Variants in GRM7 observed in about 807,000 individuals in gnomAD.
The protein encoded by GRM7 is glutamate metabotropic receptor 7.
GRM7 carries 35 observed loss-of-function variants against 84.5 expected under a neutral mutation model. The ratio of observed to expected loss-of-function variants is 0.41; its 90% CI spans 0.32 to 0.55. GRM7 has a LOEUF of 0.55. GRM7 is among the 20% of genes least tolerant of loss of function. The pLI is 0.19. For missense variants in GRM7, 1,003 were observed against 1,194.6 expected (o/e 0.84, Z 2.36); for synonymous variants, 487 against 455.1 (o/e 1.07, Z -0.89).
At chr3:7,269,633 G>A (rs1698780365) in intron 2 of GRM7, among the ~76,000 whole-genome samples, 1 of 152,138 alleles carries the variant, frequency 6.6e-6, no homozygotes, top group Non-Finnish European at 1.5e-5. Flanking sequence ...AAGGCCTTAG[G>A]GTGCCAGGCT....
chr3:7,389,384 T>C (rs1332174154), intron 4 of GRM7, among the ~76,000 whole-genome samples: 1 of 152,158 alleles, frequency 6.6e-6, no homozygotes, highest in Non-Finnish European at 1.5e-5. Context: ...ATTTATTAGG[T>C]TCAATTGGTC....
chr3:7,737,908 T>C (rs7653428), intron 9 of GRM7, among the ~76,000 whole-genome samples: 52,167 of 149,968 alleles, frequency 0.35, 11,217 homozygotes, highest in African/African-American at 0.62. Flanking sequence ...AGCGCAATGG[T>C]GCAATCTCAG....
chr3:7,672,059 A>G (rs1398768171), intron 8 of GRM7, among the ~76,000 whole-genome samples: 4 of 152,078 alleles, frequency 2.6e-5, no homozygotes, highest in Non-Finnish European at 5.9e-5. Flanking sequence ...TTTCTAAAGG[A>G]TGCAAACTCC....
At chr3:7,041,009 G>A (rs1356230774) in intron 1 of GRM7, among the ~76,000 whole-genome samples, 1 of 151,674 alleles carries the variant, frequency 6.6e-6, no homozygotes, top group Non-Finnish European at 1.5e-5. Context: ...GCTGTACCTG[G>A]GAGGTTAAGG....
intron 4 of GRM7, among the ~76,000 whole-genome samples, chr3:7,368,234 C>G (rs1400404754): frequency 6.6e-6 from 1 of 151,986 alleles, no homozygotes; most frequent in African/African-American, 2.4e-5. Flanking sequence ...GTGAGATCAT[C>G]AAGCTAGAAC....
At chr3:6,903,211 T>G (rs10433646) in intron 1 of GRM7, among the ~76,000 whole-genome samples, 11,453 of 151,866 alleles carry the variant, frequency 0.075, 892 homozygotes, top group East Asian at 0.37. Context: ...ATAGGGTTTT[T>G]TTTTTTTGGT....
intron 2 of GRM7, among the ~76,000 whole-genome samples, chr3:7,226,886 A>C (rs1697000380): frequency 6.6e-6 from 1 of 152,172 alleles, no homozygotes. Flanking sequence ...ACATTGTTTC[A>C]GAATTGAACC....
At chr3:7,686,310 T>G (rs1700581863) in intron 9 of GRM7, 1 of 792,036 alleles carries the variant, frequency 1.3e-6, no homozygotes, top group African/African-American at 1.7e-5. Context: ...AGTAATATTG[T>G]GTGCACATTT....
At chr3:7,250,323 C>T (rs1697931598) in intron 2 of GRM7, among the ~76,000 whole-genome samples, 1 of 151,912 alleles carries the variant, frequency 6.6e-6, no homozygotes, top group African/African-American at 2.4e-5. Flanking sequence ...AATTGTTCTT[C>T]TCAATTTTGG....
chr3:7,195,543 G>A (rs1269160133), intron 2 of GRM7, among the ~76,000 whole-genome samples: 1 of 152,152 alleles, frequency 6.6e-6, no homozygotes, highest in Non-Finnish European at 1.5e-5. Flanking sequence ...TGGACTATAT[G>A]TAGTTGGTAT....
intron 9 of GRM7, among the ~76,000 whole-genome samples, chr3:7,738,921 C>T (rs1324368053): frequency 2.6e-5 from 4 of 152,230 alleles, no homozygotes; most frequent in African/African-American, 9.6e-5. Flanking sequence ...TTGAAGACAA[C>T]ACTGGGATAA....
intron 1 of GRM7, among the ~76,000 whole-genome samples, chr3:7,007,277 C>G (rs751504505): frequency 1.3e-5 from 2 of 152,124 alleles, no homozygotes; most frequent in Non-Finnish European, 2.9e-5. Flanking sequence ...ATGGCCACAC[C>G]TAACCTGTAT....
At chr3:7,608,316 G>A (rs1449814259) in intron 8 of GRM7, among the ~76,000 whole-genome samples, 2 of 152,128 alleles carry the variant, frequency 1.3e-5, no homozygotes. Flanking sequence ...TTCCACTAAG[G>A]TTGAGCTAAT....
rs74757943 is a variant in GRM7 at position 7,151,711 on chromosome 3, C to A, written c.736+5043C>A. 4.3e-3 allele frequency among the ~76,000 whole-genome samples: 649 copies of A among 152,176 alleles called. 3 individuals are homozygous for A. The highest frequency in any genetic ancestry group is 0.015 in the African/African-American group (616 of 41,524). On this transcript the variant is annotated intron_variant, in intron 2 of 9. Coordinates refer to ENST00000357716, the MANE Select transcript of GRM7 (RefSeq NM_000844.4). This position sits in a 1 kb window ranked among gnomAD's most constrained non-coding sequence, Gnocchi z 4.5. ...CTTTGCCCTTTAGGAAAAAAGGAAG[C>A]ATGTAGAGAAACACCTTACGATATG...
At chr3:6,970,278 C>G (rs1693698357) in intron 1 of GRM7, among the ~76,000 whole-genome samples, 1 of 152,134 alleles carries the variant, frequency 6.6e-6, no homozygotes, top group African/African-American at 2.4e-5. Flanking sequence ...TTAGAAGCTG[C>G]TAAACTATCA....
In GRM7 at chr3:7,146,454, C is replaced by T; in HGVS notation, c.522C>T (p.Ile174=). The T allele has an allele frequency of 6.2e-7, 1 of 1,610,676 alleles. No individual in the cohort carries two copies. Among genetic ancestry groups the T allele is most frequent in the South Asian group, 1.1e-5 (1 of 90,988 alleles). The change falls in exon 2 of 10, where the codon ATC becomes ATT. Residue 174 remains isoleucine, a splice_region_variant and synonymous_variant. Transcript: ENST00000357716. ...GTGGTGCTTTCTTGTCTTTGCAGATCCCCCAGATTAGTTATGCATCAACGG... is the reference window on the plus strand; with the variant it reads ...GTGGTGCTTTCTTGTCTTTGCAGATTCCCCAGATTAGTTATGCATCAACGG... The part of the protein sequence containing the change: ...MVANILRLFQ[I]PQISYASTAP...
intron 8 of GRM7, among the ~76,000 whole-genome samples, chr3:7,646,161 C>T (rs1227374980): frequency 6.6e-6 from 1 of 152,112 alleles, no homozygotes. Flanking sequence ...ATGTGTTTGC[C>T]TGGGTGGACC....
chr3:7,463,791 G>A (rs1316841365), intron 7 of GRM7, among the ~76,000 whole-genome samples: 1 of 152,102 alleles, frequency 6.6e-6, no homozygotes, highest in Non-Finnish European at 1.5e-5. Context: ...ATAGGTAAGA[G>A]CCATACTCAT....
intron 7 of GRM7, among the ~76,000 whole-genome samples, chr3:7,482,786 C>T (rs1029323160): frequency 6.6e-6 from 1 of 152,098 alleles, no homozygotes; most frequent in Non-Finnish European, 1.5e-5. Flanking sequence ...TGAGGTTAAG[C>T]AAGGAGCTTT....
Sources: allele counts gnomAD v4.1 joint callset (sites outside exome capture counted in the v4.1 genomes callset), GRCh38; gene constraint gnomAD v4.1.1; non-coding constraint Gnocchi (gnomAD v3.1); transcripts MANE v1.5; gene names NCBI Gene and HGNC (gene_info 2026-07-23, HGNC 2026-07-21).